The following MYOM2 variants were observed in gnomAD, a reference collection of about 807,000 sequenced individuals.
MYOM2 encodes the protein myomesin-2.
MYOM2 carries 254 observed loss-of-function variants against 187.6 expected under a neutral mutation model. That is an observed-to-expected ratio of 1.35 (90% CI 1.22 to 1.50). The LOEUF (loss-of-function observed/expected upper bound fraction) is 1.50, where lower values mean the gene tolerates loss of function less well. Ranked by LOEUF, MYOM2 falls within the 40% of genes most tolerant of loss-of-function variation. The probability of loss-of-function intolerance (pLI) is 0.00; values close to 1 mark genes in which losing one functional copy is unlikely to be tolerated. For synonymous variants in MYOM2, 981 were observed against 753.8 expected, an observed-to-expected ratio of 1.30 and a Z score of -4.94; for missense variants, 2,796 against 1,924.0, an observed-to-expected ratio of 1.45 and a Z score of -8.48.
intron 32 of MYOM2, among the ~76,000 whole-genome samples, chr8:2,131,405 G>T (rs1175036618): frequency 2.6e-5 from 4 of 151,940 alleles, no homozygotes; most frequent in African/African-American, 9.7e-5. Flanking sequence ...GTTCTCATCA[G>T]TGCTCTCCCG....
intron 13 of MYOM2, among the ~76,000 whole-genome samples, chr8:2,081,046 G>A (rs1178550312): frequency 7.0e-6 from 1 of 143,822 alleles, no homozygotes; most frequent in Non-Finnish European, 1.5e-5. Context: ...AGGCAGCCCA[G>A]CCCGTGCAGA....
chr8:2,100,282 G>A (rs952584385), intron 19 of MYOM2, among the ~76,000 whole-genome samples: 2 of 151,712 alleles, frequency 1.3e-5, no homozygotes, highest in African/African-American at 4.8e-5. Context: ...GAAGAAAAAA[G>A]TCATTCTAGT....
At position 2,103,338 on chromosome 8, in the gene MYOM2, G is replaced by A. The variant is rs549283675; in HGVS notation, c.2734+557G>A. On this transcript the variant is annotated intron_variant, in intron 21 of 36. Transcript: ENST00000262113. ...GAGTGGGAGAGTGTACATATATTAT[G>A]TGCATATGTGTATGTATGGATGGGT... Among the ~76,000 whole-genome samples the A allele has an allele frequency of 1.2e-3, 178 of 151,298 alleles. 2 individuals are homozygous for A. The highest frequency in any genetic ancestry group is 1.2e-3 in the Non-Finnish European group (84 of 67,860).
chr8:2,107,960 C>T (rs1796948733), intron 23 of MYOM2, among the ~76,000 whole-genome samples: 1 of 152,218 alleles, frequency 6.6e-6, no homozygotes, highest in African/African-American at 2.4e-5. Flanking sequence ...TAAAACTTTG[C>T]AGTTGAAGAT....
In MYOM2 at chr8:2,071,721, G is replaced by A. The variant is rs555437703; in HGVS notation, c.794-624G>A. Among the ~76,000 whole-genome samples, 31 of 152,272 alleles carry A rather than the reference G, an allele frequency of 2.0e-4. 1 individual carries two copies. The South Asian group carries it at 4.6e-3, about 22-fold the overall frequency. Reference sequence around the variant, plus strand: ...GCTGCTGGAACAACACGCCATGGCCGGGGCAGTTTACGAACAGCAAACACT... The same window carrying A: ...GCTGCTGGAACAACACGCCATGGCCAGGGCAGTTTACGAACAGCAAACACT... On this transcript the variant is annotated intron_variant, in intron 8 of 36. Transcript: ENST00000262113.
intron 1 of MYOM2, among the ~76,000 whole-genome samples, chr8:2,047,902 G>T (rs1055694865): frequency 6.6e-6 from 1 of 152,200 alleles, no homozygotes; most frequent in Non-Finnish European, 1.5e-5. Flanking sequence ...TGATACATAG[G>T]TTGCATTGGA....
chr8:2,140,918 T>C (rs1475505618), intron 33 of MYOM2, 32 bp downstream of exon 33: 1 of 1,572,190 alleles, frequency 6.4e-7, no homozygotes, highest in Admixed American at 1.8e-5. Context: ...ATTTAATAAT[T>C]TCCTATTTAG....
chr8:2,082,552 A>G (rs763094590), intron 13 of MYOM2, among the ~76,000 whole-genome samples: 5 of 152,150 alleles, frequency 3.3e-5, no homozygotes, highest in African/African-American at 1.2e-4. Flanking sequence ...ATCTTGGGCA[A>G]TGTCTTCCTT....
chr8:2,090,285 T>A (rs1242165894), intron 15 of MYOM2, 94 bp downstream of exon 15: 12 of 1,231,862 alleles, frequency 9.7e-6, no homozygotes, highest in Non-Finnish European at 1.3e-5. Flanking sequence ...GACATTAATG[T>A]TATAAACGAG....
At chr8:2,068,390 G>A (rs1819093390) in intron 6 of MYOM2, among the ~76,000 whole-genome samples, 1 of 149,410 alleles carries the variant, frequency 6.7e-6, no homozygotes, top group Non-Finnish European at 1.5e-5. Flanking sequence ...CCTGGGGACA[G>A]CTCTTCAATG....
At chr8:2,127,663 G>T (rs1797699858) in intron 31 of MYOM2, 1 of 148,158 alleles carries the variant, frequency 6.7e-6, no homozygotes. Context: ...CAGTACCTCG[G>T]CGTGACGCGG....
intron 32 of MYOM2, among the ~76,000 whole-genome samples, chr8:2,131,187 G>A (rs1032426556): frequency 6.6e-6 from 1 of 152,116 alleles, no homozygotes; most frequent in South Asian, 2.1e-4. Flanking sequence ...GTAGATGTAG[G>A]TCATGTTAGT....
intron 32 of MYOM2, among the ~76,000 whole-genome samples, chr8:2,137,638 C>G (rs1042128505): frequency 6.6e-6 from 1 of 152,086 alleles, no homozygotes; most frequent in Non-Finnish European, 1.5e-5. Context: ...GACAAGATGA[C>G]TAAGGCCTAT....
At chr8:2,144,405 G>T (rs1798382717) in intron 36 of MYOM2, among the ~76,000 whole-genome samples, 1 of 152,182 alleles carries the variant, frequency 6.6e-6, no homozygotes, top group African/African-American at 2.4e-5. Context: ...TTAGGCTATG[G>T]ATAAAAGCTA....
Position 2,123,572 on chromosome 8 carries a change from C to T in MYOM2, c.3585C>T (p.His1195=), listed in dbSNP as rs35244895. 0.033 allele frequency: 52,635 copies of T among 1,611,272 alleles called. 973 individuals are homozygous for T. Among genetic ancestry groups the T allele is most frequent in the Middle Eastern group, 0.04 (240 of 6,060 alleles). Reference sequence around the variant, plus strand: ...CTTTGTAGTTGTCAAAGAAGGACCACGGTGAATACAAGGCAACCTTGAAAG... The same window carrying T: ...CTTTGTAGTTGTCAAAGAAGGACCATGGTGAATACAAGGCAACCTTGAAAG... ...LLIPKLSKKD[H]GEYKATLKDD... The change falls in exon 30 of 37, where the codon CAC becomes CAT. Residue 1195 remains histidine, a synonymous_variant. Coordinates refer to ENST00000262113, the MANE Select transcript of MYOM2 (RefSeq NM_003970.4).
At chr8:2,078,668 C>T (rs766839944) in intron 11 of MYOM2, 66 bp from the exon 12 acceptor site, 3 of 1,414,704 alleles carry the variant, frequency 2.1e-6, no homozygotes, top group Non-Finnish European at 3.0e-6. Flanking sequence ...TATGCATATA[C>T]CTATGTATAT....
intron 18 of MYOM2, chr8:2,098,240 T>G (rs1382739601): frequency 1.3e-5 from 2 of 152,256 alleles, no homozygotes; most frequent in African/African-American, 4.8e-5. Flanking sequence ...AGCGTTTTTG[T>G]GCCACAAGCC....
Position 2,057,729 on chromosome 8 carries a change from C to A in MYOM2, c.509C>A (p.Ser170Tyr), listed in dbSNP as rs1818718379. 1 of 1,614,102 alleles carries A rather than the reference C, an allele frequency of 6.2e-7. No individual in the cohort carries two copies. The highest frequency in any genetic ancestry group is 8.5e-7 in the Non-Finnish European group (1 of 1,180,020). Reference protein sequence around the residue: ...LRSHTVWERMSVKLCFTVQGF... With the variant: ...LRSHTVWERMYVKLCFTVQGF... Reference sequence around the variant, plus strand: ...TCCCACACCGTCTGGGAGAGGATGTCTGTGAAACTCTGCTTCACCGTGCAA... The same window carrying A: ...TCCCACACCGTCTGGGAGAGGATGTATGTGAAACTCTGCTTCACCGTGCAA... The change falls in exon 5 of 37, where the codon TCT becomes TAT. Residue 170 changes from serine (S) to tyrosine (Y), a missense_variant. Coordinates refer to ENST00000262113, the MANE Select transcript of MYOM2 (RefSeq NM_003970.4).
chr8:2,101,135 C>G, intron 20 of MYOM2, 81 bp downstream of exon 20: 1 of 1,454,058 alleles, frequency 6.9e-7, no homozygotes, highest in Non-Finnish European at 9.4e-7. Context: ...CACTTGAGGT[C>G]AGGAGTTCGA....
Sources: allele counts gnomAD v4.1 joint callset (sites outside exome capture counted in the v4.1 genomes callset), GRCh38; gene constraint gnomAD v4.1.1; transcripts MANE v1.5; gene names NCBI Gene and HGNC (gene_info 2026-07-23, HGNC 2026-07-21).